ZNF518A: variants seen among roughly 807,000 people sequenced by gnomAD.
ZNF518A encodes the protein zinc finger protein 518A.
A neutral mutation model predicts 102.7 loss-of-function variants in ZNF518A; 47 were observed. The observed-to-expected ratio is 0.46, with a 90% CI of 0.36 to 0.58. ZNF518A has a LOEUF of 0.58. Ranked by LOEUF, ZNF518A falls within the 20% of genes least tolerant of loss-of-function variation. ZNF518A has a pLI of 0.00. For missense variants in ZNF518A, 1,793 were observed against 1,699.8 expected (o/e 1.05, Z -0.96); for synonymous variants, 652 against 594.6 (o/e 1.10, Z -1.40).
chr10:96,171,797 CAT>C (rs1355571620), intron 1 of ZNF518A, among the ~76,000 whole-genome samples: 1 of 151,772 alleles, frequency 6.6e-6, no homozygotes, highest in African/African-American at 2.4e-5. Context: ...TGGTGAAAAA[CAT>C]ATTTTCAGAA....
At chr10:96,190,475 A>T (rs1013775214) in intron 1 of ZNF518A, among the ~76,000 whole-genome samples, 7 of 152,220 alleles carry the variant, frequency 4.6e-5, no homozygotes, top group Admixed American at 4.6e-4. Flanking sequence ...ATAAGGTCAC[A>T]TTCTGAGATA....
chr10:96,176,010 A>G (rs1329849751), intron 1 of ZNF518A, among the ~76,000 whole-genome samples: 19 of 151,216 alleles, frequency 1.3e-4, no homozygotes, highest in African/African-American at 4.6e-4. Context: ...GTGCAGTGCA[A>G]TCATTGTAAC....
exon 3 of ZNF518A, chr10:96,204,014 C>T (rs2083727907): frequency 6.4e-7 from 1 of 1,571,594 alleles, no homozygotes; most frequent in East Asian, 2.2e-5. Context: ...AGGATCCAGC[C>T]TCGACCACTC....
intron 1 of ZNF518A, among the ~76,000 whole-genome samples, chr10:96,201,827 G>T (rs1247323747): frequency 6.6e-6 from 1 of 152,140 alleles, no homozygotes; most frequent in African/African-American, 2.4e-5. Context: ...TAACAAAACA[G>T]CAAAATGCCC....
rs375095552 is a variant in ZNF518A at position 96,160,157 on chromosome 10, C to A, written c.3835C>A (p.Arg1279=). Residue 1279 remains arginine, a synonymous_variant, in exon 6 of 6, where the codon CGA becomes AGA. Transcript: ENST00000316045. ...AFVSRNRNCK[R]KCRDSYQEPP... ...TGTATCTAGAAACAGAAACTGTAAACGAAAGTGTAGGGATAGTTACCAAGA... is the reference window on the plus strand; with the variant it reads ...TGTATCTAGAAACAGAAACTGTAAAAGAAAGTGTAGGGATAGTTACCAAGA... 6.2e-6 allele frequency: 10 copies of A among 1,609,164 alleles called. No homozygotes were observed. In the East Asian group the frequency reaches 1.6e-4, roughly 25 times the overall value.
At chr10:96,155,167 T>C (rs1411487282) in intron 3 of ZNF518A, among the ~76,000 whole-genome samples, 159 bp from the exon 4 acceptor site, 1 of 147,732 alleles carries the variant, frequency 6.8e-6, no homozygotes, top group African/African-American at 2.7e-5. Context: ...AACAATATAT[T>C]GTTATGTCCC....
chr10:96,189,731 C>CATCATCA, intron 1 of ZNF518A: 1 of 726,442 alleles, frequency 1.4e-6, no homozygotes, highest in Non-Finnish European at 2.5e-6. Flanking sequence ...TCATCATCAT[C>CATCATCA]ATCTTCATCA....
chr10:96,194,281 T>C (rs1554894151), intron 1 of ZNF518A, among the ~76,000 whole-genome samples: 1 of 152,236 alleles, frequency 6.6e-6, no homozygotes, highest in African/African-American at 2.4e-5. Context: ...TAATGCGGTC[T>C]ACATTTTAAA....
downstream of ZNF518A, among the ~76,000 whole-genome samples, chr10:96,165,730 G>A (rs587725976): frequency 6.6e-6 from 1 of 152,240 alleles, no homozygotes. Flanking sequence ...AAGGTACAGA[G>A]GTTCTGTTCA....
intron 1 of ZNF518A, among the ~76,000 whole-genome samples, chr10:96,174,011 G>C: frequency 6.6e-6 from 1 of 152,010 alleles, no homozygotes; most frequent in East Asian, 1.9e-4. Flanking sequence ...AATAATCAAT[G>C]AATCAAGTAA....
In ZNF518A at chr10:96,157,637, A is replaced by G; in HGVS notation, c.1315A>G (p.Asn439Asp). The G allele has an allele frequency of 6.2e-7, 1 of 1,613,890 alleles. No homozygotes were observed. Among genetic ancestry groups the G allele is most frequent in the Non-Finnish European group, 8.5e-7 (1 of 1,179,794 alleles). Reference protein sequence around the residue: ...MKNNKLAVSPNYNATFMGFKM... With the variant: ...MKNNKLAVSPDYNATFMGFKM... ...AAATAATAAACTAGCAGTTTCCCCTAACTATAATGCTACGTTTATGGGCTT... is the reference window on the plus strand; with the variant it reads ...AAATAATAAACTAGCAGTTTCCCCTGACTATAATGCTACGTTTATGGGCTT... Residue 439 changes from asparagine (N) to aspartate (D), a missense_variant, in exon 6 of 6, where the codon AAC becomes GAC. By Grantham distance (23) the Asn-to-Asp change is conservative. Around this residue, in one of 3 missense-constraint regions of ZNF518A, gnomAD observed 1,741 missense variants for 1,622.6 expected, o/e 1.07. Coordinates refer to ENST00000316045, the MANE Select transcript of ZNF518A (RefSeq NM_001330736.2).
intron 3 of ZNF518A, among the ~76,000 whole-genome samples, chr10:96,147,087 G>A (rs2082205806): frequency 6.6e-6 from 1 of 152,190 alleles, no homozygotes. Context: ...TCTGAGAGAG[G>A]CTACTCTGTA....
intron 3 of ZNF518A, among the ~76,000 whole-genome samples, chr10:96,141,204 G>A (rs950908166): frequency 6.6e-6 from 1 of 152,176 alleles, no homozygotes; most frequent in Non-Finnish European, 1.5e-5. Flanking sequence ...CATTTAGGAA[G>A]CTTATAAATT....
intron 3 of ZNF518A, among the ~76,000 whole-genome samples, chr10:96,154,707 G>T (rs1554881593): frequency 6.6e-6 from 1 of 151,932 alleles, no homozygotes; most frequent in East Asian, 1.9e-4. Context: ...TTCTTTTAGG[G>T]CCCTAAAAAC....
intron 3 of ZNF518A, among the ~76,000 whole-genome samples, chr10:96,136,284 C>G (rs1294489734): frequency 3.3e-5 from 5 of 151,486 alleles, no homozygotes; most frequent in Non-Finnish European, 4.4e-5. Flanking sequence ...TTGTTTTATT[C>G]ATCTGTCTTG....
At chr10:96,144,078 C>T (rs1371619342) in intron 3 of ZNF518A, among the ~76,000 whole-genome samples, 1 of 152,090 alleles carries the variant, frequency 6.6e-6, no homozygotes, top group Non-Finnish European at 1.5e-5. Flanking sequence ...CTTGACCTCC[C>T]AAGCTCAAGC....
intron 1 of ZNF518A, among the ~76,000 whole-genome samples, chr10:96,180,262 T>G (rs941928664): frequency 1.3e-5 from 2 of 148,242 alleles, no homozygotes; most frequent in Non-Finnish European, 3.0e-5. Context: ...TGAATTCAAG[T>G]GATCCTCTGC....
intron 1 of ZNF518A, among the ~76,000 whole-genome samples, chr10:96,202,243 G>A (rs2083663286): frequency 1.3e-5 from 2 of 152,172 alleles, no homozygotes; most frequent in Non-Finnish European, 2.9e-5. Flanking sequence ...TTTGAACAGG[G>A]GGGTAACATG....
rs1234646244 is a variant in ZNF518A, at chr10:96,162,029, T to G, written c.*1255T>G. 1 of 166,984 alleles carries G rather than the reference T, an allele frequency of 6.0e-6. No individual in the cohort carries two copies. Among genetic ancestry groups the G allele is most frequent in the African/African-American group, 2.4e-5 (1 of 41,442 alleles). The allele number at this position is 166,984 out of a possible 1,614,324, so 10.3% of individuals were successfully genotyped here. A position where few individuals can be genotyped will look rare whatever the true frequency, so the allele number is the denominator to read the frequency against. On this transcript the variant is annotated 3_prime_UTR_variant, in exon 6 of 6. Coordinates refer to ENST00000316045, the MANE Select transcript of ZNF518A (RefSeq NM_001330736.2). Reference sequence around the variant, plus strand: ...TTTGGATCAAATTTTGCTGGTTCTTTGGATAATGGAGTTCTTGTGTTAACA... The same window carrying G: ...TTTGGATCAAATTTTGCTGGTTCTTGGGATAATGGAGTTCTTGTGTTAACA...
Sources: allele counts gnomAD v4.1 joint callset (sites outside exome capture counted in the v4.1 genomes callset), GRCh38; gene constraint gnomAD v4.1.1; regional missense constraint gnomAD v4.1.1; transcripts MANE v1.5; gene names NCBI Gene and HGNC (gene_info 2026-07-23, HGNC 2026-07-21).